Variants in CBL observed in about 807,000 individuals in gnomAD.
CBL encodes the protein E3 ubiquitin-protein ligase CBL.
Under a neutral mutation model 96.9 loss-of-function variants are expected in CBL, and 45 were observed. The ratio of observed to expected loss-of-function variants is 0.46; its 90% confidence interval spans 0.37 to 0.60. CBL has a LOEUF of 0.60. Ranked by LOEUF, CBL falls within the 20% of genes least tolerant of loss-of-function variation. The pLI, the probability that CBL is intolerant of heterozygous loss-of-function variation, is 0.00. For missense variants in CBL, 1,024 were observed against 1,143.5 expected (o/e 0.90, Z 1.51); for synonymous variants, 420 against 426.8 (o/e 0.98, Z 0.20).
rs1329421627 is a variant in CBL, at chr11:119,256,685, TG to T, written c.444-15049del. Reference sequence around the variant, plus strand: ...TGTACATTGTACCCAGTATGTAGTTTGTTTTTTTTTTTTTTTAATCCCTCCC... The same window carrying T: ...TGTACATTGTACCCAGTATGTAGTTTTTTTTTTTTTTTTTTAATCCCTCCC... On this transcript the variant is annotated intron_variant, in intron 2 of 15. Transcript: ENST00000264033. Among the ~76,000 whole-genome samples the T allele has an allele frequency of 2.2e-3, 313 of 142,748 alleles. 3 individuals are homozygous for T. Among genetic ancestry groups the T allele is most frequent in the Non-Finnish European group, 2.9e-3 (187 of 64,096 alleles). 93.6% of individuals were successfully genotyped at this position (142,748 alleles called of 152,430 possible).
At chr11:119,271,273 C>G (rs1458679693) in intron 2 of CBL, among the ~76,000 whole-genome samples, 1 of 152,174 alleles carries the variant, frequency 6.6e-6, no homozygotes, top group African/African-American at 2.4e-5. Context: ...AATTCTCTTA[C>G]CTGTCATCCT....
chr11:119,245,922 C>A (rs1213211285), intron 2 of CBL, among the ~76,000 whole-genome samples: 1 of 144,124 alleles, frequency 6.9e-6, no homozygotes, highest in Non-Finnish European at 1.5e-5. Context: ...AATAGCAGCC[C>A]AAGCAAACTA....
In CBL at chr11:119,242,280, C is replaced by T. The variant is rs562579009; in HGVS notation, c.443+9585C>T. 1.2e-4 allele frequency among the ~76,000 whole-genome samples: 19 copies of T among 152,058 alleles called. No individual in the cohort carries two copies. The South Asian group carries it at 2.3e-3, about 18-fold the overall frequency. Reference sequence around the variant, plus strand: ...GCCTGAAACTGGGCACAGTGGCTCACGATTGTAATCCCAGCACTTTGGGAG... The same window carrying T: ...GCCTGAAACTGGGCACAGTGGCTCATGATTGTAATCCCAGCACTTTGGGAG... On this transcript the variant is annotated intron_variant, in intron 2 of 15. Transcript: ENST00000264033.
intron 1 of CBL, among the ~76,000 whole-genome samples, chr11:119,221,060 C>T (rs1346432504): frequency 6.6e-6 from 1 of 151,606 alleles, no homozygotes; most frequent in Non-Finnish European, 1.5e-5. Context: ...GCTTGTTCAA[C>T]ATGTGAAACC....
chr11:119,278,800 T>C (rs1174849635), intron 9 of CBL, 87 bp downstream of exon 9: 4 of 930,948 alleles, frequency 4.3e-6, no homozygotes. Context: ...CAAACTACAA[T>C]GATAGGTAGT....
intron 1 of CBL, among the ~76,000 whole-genome samples, chr11:119,213,585 G>A (rs1013060489): frequency 6.6e-6 from 1 of 152,116 alleles, no homozygotes; most frequent in Admixed American, 6.6e-5. Flanking sequence ...TTCTGTAATA[G>A]TAGATACTTT....
rs1159459855 is a variant in CBL at position 119,301,878 on chromosome 11, T to C, written c.*2097T>C. ...TCAGTTTTGCATTTTGTTTAAATAT[T>C]GAAGGCCTAGACAAAGAACTAGAAA... On this transcript the variant is annotated 3_prime_UTR_variant, in exon 16 of 16. Transcript: ENST00000264033. 1 of 233,262 alleles carries C rather than the reference T, an allele frequency of 4.3e-6. No individual in the cohort carries two copies. Among genetic ancestry groups the C allele is most frequent in the Non-Finnish European group, 8.5e-6 (1 of 118,046 alleles). The allele number at this position is 233,262 out of a possible 1,614,324, so 14.4% of individuals were successfully genotyped here.
intron 3 of CBL, among the ~76,000 whole-genome samples, chr11:119,272,807 A>G (rs1401203106): frequency 1.3e-5 from 2 of 151,876 alleles, no homozygotes; most frequent in African/African-American, 2.4e-5. Context: ...TCTTTCTGTT[A>G]TTATAGGTTA....
Position 119,206,377 on chromosome 11 carries a change from C to A in CBL, c.-41C>A, listed in dbSNP as rs751528430. On this transcript the variant is annotated 5_prime_UTR_variant, in exon 1 of 16. Coordinates refer to ENST00000264033, the MANE Select transcript of CBL (RefSeq NM_005188.4). ...TTCTCTCCCTCGCTCGCAGTCGAGC[C>A]GAGCCGGCGGACCCGCCTGGGCTCC... 3 of 1,441,032 alleles carry A rather than the reference C, an allele frequency of 2.1e-6. No individual in the cohort carries two copies. The highest frequency in any genetic ancestry group is 2.4e-5 in the Admixed American group (1 of 41,846). 89.3% of individuals were successfully genotyped at this position (1,441,032 alleles called of 1,614,324 possible). A position where few individuals can be genotyped will look rare whatever the true frequency, so the allele number is the denominator to read the frequency against.
At chr11:119,224,506 T>C (rs1226540104) in intron 1 of CBL, among the ~76,000 whole-genome samples, 2 of 152,180 alleles carry the variant, frequency 1.3e-5, no homozygotes, top group African/African-American at 4.8e-5. Context: ...ATAAAACAGC[T>C]TATTAACATG....
chr11:119,270,416 T>TTATATATATATATATATATA (rs142299271), intron 2 of CBL, among the ~76,000 whole-genome samples: 4 of 74,362 alleles, frequency 5.4e-5, no homozygotes, highest in African/African-American at 2.5e-4. Context: ...CAGCTAATTT[T>TTATATATATATATATATATA]TATATATATA....
At chr11:119,297,265 C>T in intron 13 of CBL, 119 bp from the exon 14 acceptor site, 1 of 874,062 alleles carries the variant, frequency 1.1e-6, no homozygotes. Context: ...TAACTTGCCA[C>T]AAGAGTCAAC....
At chr11:119,274,802 A>G (rs1949875845) in intron 4 of CBL, 30 bp from the exon 5 acceptor site, 12 of 1,608,818 alleles carry the variant, frequency 7.5e-6, no homozygotes, top group Non-Finnish European at 1.0e-5. Context: ...ATCTGACCTG[A>G]ATAGTCTGTG....
At chr11:119,223,660 C>T (rs557547697) in intron 1 of CBL, among the ~76,000 whole-genome samples, 3 of 151,574 alleles carry the variant, frequency 2.0e-5, no homozygotes, top group South Asian at 4.2e-4. Context: ...GTCTCTCTCT[C>T]TCTGTTGCCA....
chr11:119,241,773 G>A (rs1220227267), intron 2 of CBL, among the ~76,000 whole-genome samples: 2 of 152,226 alleles, frequency 1.3e-5, no homozygotes, highest in Non-Finnish European at 2.9e-5. Context: ...GAAAGGGACA[G>A]CAACATGGGT....
At chr11:119,222,863 A>C (rs894944218) in intron 1 of CBL, among the ~76,000 whole-genome samples, 11 of 152,124 alleles carry the variant, frequency 7.2e-5, no homozygotes, top group Non-Finnish European at 1.6e-4. Context: ...TTTCCAAAGA[A>C]TATTAATATC....
intron 2 of CBL, among the ~76,000 whole-genome samples, chr11:119,256,015 AT>A (rs1949708272): frequency 6.6e-6 from 1 of 151,478 alleles, no homozygotes; most frequent in African/African-American, 2.4e-5. Context: ...GATTACAGGC[AT>A]GAGCCACTGC....
At chr11:119,270,257 T>C (rs1429245038) in intron 2 of CBL, among the ~76,000 whole-genome samples, 1 of 144,192 alleles carries the variant, frequency 6.9e-6, no homozygotes, top group East Asian at 2.0e-4. Flanking sequence ...TTTTTTTTTT[T>C]TTTTTGAGGT....
rs1224925887 is a variant in CBL at position 119,285,416 on chromosome 11, A to G, written c.1791A>G (p.Lys597=). The change falls in exon 11 of 16, where the codon AAA becomes AAG. Residue 597 remains lysine (K), a synonymous_variant. Coordinates refer to ENST00000264033, the MANE Select transcript of CBL (RefSeq NM_005188.4). ...GDSWLPRPIP[K]VPVSAPSSSD... ...CATGGCTGCCCCGGCCAATCCCCAA[A>G]GTACCAGTATCTGCCCCAAGTTCCA... is the stretch of plus-strand genomic sequence containing the variant. 8 of 1,614,100 alleles carry G rather than the reference A, an allele frequency of 5.0e-6. No homozygotes were observed. The Admixed American group carries it at 1.3e-4, about 27-fold the overall frequency.
Sources: gnomAD v4.1 joint callset for allele counts (sites outside exome capture counted in the v4.1 genomes callset) on GRCh38, gnomAD v4.1.1 for gene constraint, MANE v1.5 for transcripts, NCBI Gene and HGNC (gene_info 2026-07-23, HGNC 2026-07-21) for gene names.